Variants in SHROOM3 observed in about 807,000 individuals in gnomAD.
SHROOM3 encodes protein Shroom3.
Under a neutral mutation model 138.6 loss-of-function variants are expected in SHROOM3, and 47 were observed. That is an observed-to-expected ratio of 0.34 (90% CI 0.27 to 0.43). The LOEUF (loss-of-function observed/expected upper bound fraction) is 0.43. Among genes scored for constraint, SHROOM3 ranks in the 20% least tolerant of loss-of-function variants. The pLI is 1.00. For synonymous variants in SHROOM3, 1,062 were observed against 1,063.3 expected (o/e 1.00, Z 0.02); for missense variants, 2,491 against 2,596.5 (o/e 0.96, Z 0.88).
intron 2 of SHROOM3, chr4:76,689,592 C>T (rs897503984): frequency 2.1e-4 from 202 of 984,940 alleles, no homozygotes; most frequent in Non-Finnish European, 2.2e-4. Context: ...CGTTGGGCCC[C>T]GCCGGCGATG....
At chr4:76,671,114 A>G (rs893288268) in intron 2 of SHROOM3, among the ~76,000 whole-genome samples, 68 of 152,110 alleles carry the variant, frequency 4.5e-4, no homozygotes, top group African/African-American at 1.6e-3. Context: ...ACCACCTACT[A>G]TGTGCCAGCC....
intron 1 of SHROOM3, among the ~76,000 whole-genome samples, chr4:76,534,182 G>A (rs1467673141): frequency 4.6e-5 from 7 of 152,180 alleles, no homozygotes; most frequent in Non-Finnish European, 7.3e-5. Context: ...TCAGGGCTGA[G>A]TGGAGCCTTA....
At chr4:76,545,877 T>C (rs970883853) in intron 1 of SHROOM3, among the ~76,000 whole-genome samples, 7 of 152,192 alleles carry the variant, frequency 4.6e-5, no homozygotes, top group African/African-American at 1.7e-4. Flanking sequence ...ATACCTATGT[T>C]GGTCTGACTG....
At position 76,782,323 on chromosome 4, in the gene SHROOM3, C is replaced by T. The variant is rs1298781348; in HGVS notation, c.*3146C>T. 1.3e-5 allele frequency: 2 copies of T among 152,158 alleles called. No homozygotes were observed. Among genetic ancestry groups the T allele is most frequent in the African/African-American group, 4.8e-5 (2 of 41,436 alleles). The allele number at this position is 152,158 out of a possible 1,614,324, so 9.4% of individuals were successfully genotyped here. A position where few individuals can be genotyped will look rare whatever the true frequency, so the allele number is the denominator to read the frequency against. Reference sequence around the variant, plus strand: ...ACTAGAAGATTAACAAGTTTGGGTCCACCCCTAAGAATCAGTGGCTGTCTT... The same window carrying T: ...ACTAGAAGATTAACAAGTTTGGGTCTACCCCTAAGAATCAGTGGCTGTCTT... On this transcript the variant is annotated 3_prime_UTR_variant, in exon 11 of 11. Transcript: ENST00000296043.
At chr4:76,744,741 G>A (rs1231575825) in intron 5 of SHROOM3, among the ~76,000 whole-genome samples, 1 of 152,186 alleles carries the variant, frequency 6.6e-6, no homozygotes, top group African/African-American at 2.4e-5. Context: ...CCACAATGTG[G>A]AGTGTGTTTC....
intron 1 of SHROOM3, among the ~76,000 whole-genome samples, chr4:76,458,433 G>A: frequency 6.6e-6 from 1 of 152,124 alleles, no homozygotes; most frequent in Non-Finnish European, 1.5e-5. Flanking sequence ...TAATGGTTTT[G>A]TTAAATGATA....
chr4:76,562,118 T>C (rs914033569), intron 2 of SHROOM3, among the ~76,000 whole-genome samples: 1 of 152,218 alleles, frequency 6.6e-6, no homozygotes, highest in African/African-American at 2.4e-5. Flanking sequence ...CCCATTGACC[T>C]TGAACTTCCT....
At chr4:76,598,775 A>G (rs1424263256) in intron 2 of SHROOM3, among the ~76,000 whole-genome samples, 1 of 152,222 alleles carries the variant, frequency 6.6e-6, no homozygotes, top group African/African-American at 2.4e-5. Flanking sequence ...GAGGATGCTC[A>G]TGAGTTTGAA....
At chr4:76,515,857 C>T (rs1484281205) in intron 1 of SHROOM3, among the ~76,000 whole-genome samples, 3 of 152,142 alleles carry the variant, frequency 2.0e-5, no homozygotes, top group African/African-American at 4.8e-5. Flanking sequence ...GTCTCACTTG[C>T]CTGGTACTAC....
At chr4:76,523,890 G>A (rs1219581668) in intron 1 of SHROOM3, among the ~76,000 whole-genome samples, 1 of 152,226 alleles carries the variant, frequency 6.6e-6, no homozygotes, top group African/African-American at 2.4e-5. Context: ...GTGGTGCCGA[G>A]GCTGGAGAGA....
chr4:76,653,113 A>T (rs527693269), intron 2 of SHROOM3, among the ~76,000 whole-genome samples: 1 of 152,316 alleles, frequency 6.6e-6, no homozygotes, highest in East Asian at 1.9e-4. Context: ...AGAATTGCTC[A>T]GTAAACTTAA....
intron 2 of SHROOM3, among the ~76,000 whole-genome samples, chr4:76,690,622 A>G (rs566720914): frequency 6.6e-6 from 1 of 152,338 alleles, no homozygotes; most frequent in East Asian, 1.9e-4. Flanking sequence ...GGTCGGATAT[A>G]TGGCTAGATC....
chr4:76,552,666 A>T (rs1291880792), intron 1 of SHROOM3, among the ~76,000 whole-genome samples: 2 of 151,124 alleles, frequency 1.3e-5, no homozygotes, highest in African/African-American at 4.9e-5. Context: ...CTATATATGT[A>T]TGTAGCTATG....
At chr4:76,692,100 G>C (rs942413198) in intron 2 of SHROOM3, among the ~76,000 whole-genome samples, 6 of 152,184 alleles carry the variant, frequency 3.9e-5, no homozygotes, top group Non-Finnish European at 8.8e-5. Flanking sequence ...ACTGAGAGGG[G>C]TTCACTTTCT....
At chr4:76,702,589 C>G (rs912722812) in intron 2 of SHROOM3, among the ~76,000 whole-genome samples, 2 of 152,142 alleles carry the variant, frequency 1.3e-5, no homozygotes, top group African/African-American at 4.8e-5. Flanking sequence ...AGAACAGGAC[C>G]CCAGGCAGCT....
At position 76,778,991 on chromosome 4, in the gene SHROOM3, A is replaced by G. The variant is rs1377973388; in HGVS notation, c.5805A>G (p.Gln1935=). 1.2e-6 allele frequency: 2 copies of G among 1,614,078 alleles called. No individual in the cohort carries two copies. The highest frequency in any genetic ancestry group is 2.2e-5 in the East Asian group (1 of 44,892). ...VKMKSTLLIE[Q]RKLDDKIKLG... Reference sequence around the variant, plus strand: ...TGAAGTCCACGCTCCTCATTGAGCAACGGAAGCTGGATGACAAGATCAAGC... The same window carrying G: ...TGAAGTCCACGCTCCTCATTGAGCAGCGGAAGCTGGATGACAAGATCAAGC... Residue 1935 remains glutamine (Q), a synonymous_variant, in exon 11 of 11, where the codon CAA becomes CAG. Transcript: ENST00000296043.
At chr4:76,663,167 T>A (rs1647916862) in intron 2 of SHROOM3, among the ~76,000 whole-genome samples, 1 of 152,162 alleles carries the variant, frequency 6.6e-6, no homozygotes, top group African/African-American at 2.4e-5. Flanking sequence ...TAGTTCCAAA[T>A]CAAAATTTTT....
At chr4:76,452,782 A>C (rs1730950965) in intron 1 of SHROOM3, among the ~76,000 whole-genome samples, 1 of 152,156 alleles carries the variant, frequency 6.6e-6, no homozygotes, top group Non-Finnish European at 1.5e-5. Context: ...CAATGGCACG[A>C]TCTCAGCTCA....
At chr4:76,756,361 T>G in intron 7 of SHROOM3, 88 bp from the exon 8 acceptor site, 1 of 1,490,534 alleles carries the variant, frequency 6.7e-7, no homozygotes, top group Non-Finnish European at 9.1e-7. Context: ...TCCCTCAGTC[T>G]TTCTCCACCC....
Sources: gnomAD v4.1 joint callset for allele counts (sites outside exome capture counted in the v4.1 genomes callset) on GRCh38, gnomAD v4.1.1 for gene constraint, MANE v1.5 for transcripts, NCBI Gene and HGNC (gene_info 2026-07-23, HGNC 2026-07-21) for gene names.